Variants in PCDH9 observed in about 807,000 individuals in gnomAD.
PCDH9 encodes protocadherin 9, also known as protocadherin-9.
A neutral mutation model predicts 70.6 loss-of-function variants in PCDH9; 24 were observed. The ratio of observed to expected loss-of-function variants is 0.34; its 90% CI spans 0.25 to 0.48. The LOEUF (loss-of-function observed/expected upper bound fraction) is 0.48. Among genes scored for constraint, PCDH9 ranks in the 20% least tolerant of loss-of-function variants. The pLI, the probability that PCDH9 is intolerant of heterozygous loss-of-function variation, is 0.99. For missense variants in PCDH9, 1,281 were observed against 1,503.6 expected, an observed-to-expected ratio of 0.85 and a Z score of 2.45; for synonymous variants, 562 against 558.5, an observed-to-expected ratio of 1.01 and a Z score of -0.09.
chr13:66,710,948 A>T (rs2078784957), intron 3 of PCDH9, among the ~76,000 whole-genome samples: 1 of 152,156 alleles, frequency 6.6e-6, no homozygotes, highest in African/African-American at 2.4e-5. Context: ...TGATAATCTA[A>T]GCTAATCTCT....
intron 2 of PCDH9, among the ~76,000 whole-genome samples, chr13:66,921,839 G>A (rs1469975077): frequency 6.6e-6 from 1 of 151,332 alleles, no homozygotes; most frequent in African/African-American, 2.4e-5. Context: ...ACGATTCTAA[G>A]AGTAATAGTT....
chr13:66,597,744 T>C (rs1328817720), intron 4 of PCDH9, among the ~76,000 whole-genome samples: 1 of 151,648 alleles, frequency 6.6e-6, no homozygotes, highest in Non-Finnish European at 1.5e-5. Flanking sequence ...TACAACAAAC[T>C]AAAAGGCATC....
chr13:66,636,504 C>T (rs1266759590), intron 3 of PCDH9, among the ~76,000 whole-genome samples: 1 of 151,890 alleles, frequency 6.6e-6, no homozygotes, highest in African/African-American at 2.4e-5. Flanking sequence ...CTAAATAAAC[C>T]AATTATCTAA....
At chr13:66,454,384 T>C (rs1352332610) in intron 4 of PCDH9, among the ~76,000 whole-genome samples, 1 of 152,134 alleles carries the variant, frequency 6.6e-6, no homozygotes, top group Non-Finnish European at 1.5e-5. Context: ...CATACAATTA[T>C]ATGACATTAG....
chr13:66,335,380 G>A (rs1019394984), intron 4 of PCDH9, among the ~76,000 whole-genome samples: 35 of 152,086 alleles, frequency 2.3e-4, no homozygotes, highest in Admixed American at 1.8e-3. Context: ...TAGGTATTTC[G>A]TAGCTTGTTA....
At chr13:66,886,420 T>C (rs1350049273) in intron 3 of PCDH9, among the ~76,000 whole-genome samples, 1 of 152,154 alleles carries the variant, frequency 6.6e-6, no homozygotes, top group Non-Finnish European at 1.5e-5. Flanking sequence ...CCTCAGTGTC[T>C]GCAGCTGCAG....
intron 4 of PCDH9, among the ~76,000 whole-genome samples, chr13:66,618,868 T>C (rs2077389729): frequency 6.6e-6 from 1 of 152,182 alleles, no homozygotes; most frequent in Non-Finnish European, 1.5e-5. Context: ...TGAGATTCCA[T>C]GCAGTACACC....
At chr13:66,620,999 T>G (rs898778322) in intron 4 of PCDH9, among the ~76,000 whole-genome samples, 1 of 152,214 alleles carries the variant, frequency 6.6e-6, no homozygotes, top group Non-Finnish European at 1.5e-5. Flanking sequence ...GGGTGAATTA[T>G]GTAAAGCTCA....
At chr13:67,046,072 A>G (rs931054582) in intron 2 of PCDH9, among the ~76,000 whole-genome samples, 1 of 152,180 alleles carries the variant, frequency 6.6e-6, no homozygotes, top group African/African-American at 2.4e-5. Flanking sequence ...AACAGATTGT[A>G]ATTCCACAAT....
At chr13:66,351,740 C>A (rs1956294461) in intron 4 of PCDH9, among the ~76,000 whole-genome samples, 1 of 151,908 alleles carries the variant, frequency 6.6e-6, no homozygotes, top group Non-Finnish European at 1.5e-5. Flanking sequence ...GTATTCCAAG[C>A]TATATCTTCT....
chr13:66,461,206 T>C (rs373709994), intron 4 of PCDH9, among the ~76,000 whole-genome samples: 21 of 151,964 alleles, frequency 1.4e-4, no homozygotes, highest in African/African-American at 4.6e-4. Flanking sequence ...ACTTCTTTAG[T>C]TATTCATTGA....
At chr13:66,739,989 A>T (rs1444673908) in intron 3 of PCDH9, among the ~76,000 whole-genome samples, 1 of 151,748 alleles carries the variant, frequency 6.6e-6, no homozygotes, top group Admixed American at 6.6e-5. Context: ...CACCAAGCGG[A>T]CCTAATAGAC....
chr13:66,748,801 C>T (rs1218876915), intron 3 of PCDH9, among the ~76,000 whole-genome samples: 1 of 152,124 alleles, frequency 6.6e-6, no homozygotes, highest in African/African-American at 2.4e-5. Context: ...TTTAAGAGCA[C>T]AAAGAGCTTC....
At chr13:67,049,073 T>C (rs1192478526) in intron 2 of PCDH9, among the ~76,000 whole-genome samples, 5 of 152,262 alleles carry the variant, frequency 3.3e-5, no homozygotes, top group Admixed American at 2.6e-4. Context: ...AAGAATAAAA[T>C]TAAAAAATGT....
At chr13:66,781,657 C>T (rs1419560212) in intron 3 of PCDH9, among the ~76,000 whole-genome samples, 1 of 151,998 alleles carries the variant, frequency 6.6e-6, no homozygotes, top group African/African-American at 2.4e-5. Flanking sequence ...CATGTAAGGA[C>T]CTTGTGGCTT....
intron 3 of PCDH9, among the ~76,000 whole-genome samples, chr13:66,746,287 A>T (rs1593997106): frequency 6.6e-6 from 1 of 152,208 alleles, no homozygotes; most frequent in South Asian, 2.1e-4. Flanking sequence ...ACTGAGATTA[A>T]CTTTAGGAAT....
At chr13:66,454,244 C>T (rs1442202344) in intron 4 of PCDH9, among the ~76,000 whole-genome samples, 1 of 151,922 alleles carries the variant, frequency 6.6e-6, no homozygotes, top group Admixed American at 6.6e-5. Flanking sequence ...AGCTACATAA[C>T]ATTTATATCT....
intron 3 of PCDH9, among the ~76,000 whole-genome samples, chr13:66,837,230 CTCTTT>C (rs1261486930): frequency 6.6e-6 from 1 of 152,146 alleles, no homozygotes; most frequent in Non-Finnish European, 1.5e-5. Context: ...AAAATGAGTT[CTCTTT>C]TGAGTTTCTC....
At chr13:66,767,221 G>A (rs2079731972) in intron 3 of PCDH9, among the ~76,000 whole-genome samples, 2 of 151,016 alleles carry the variant, frequency 1.3e-5, no homozygotes, top group South Asian at 4.1e-4. Context: ...CACTGTGCTG[G>A]GGAGATGGTC....
Sources: gnomAD v4.1 joint callset for allele counts (sites outside exome capture counted in the v4.1 genomes callset) on GRCh38, gnomAD v4.1.1 for gene constraint, MANE v1.5 for transcripts, NCBI Gene and HGNC (gene_info 2026-07-23, HGNC 2026-07-21) for gene names.